Variants in USP9X observed in about 807,000 individuals in gnomAD.
USP9X encodes ubiquitin carboxyl-terminal hydrolase 9X.
USP9X carries 7 observed loss-of-function variants against 190.3 expected under a neutral mutation model. The ratio of observed to expected loss-of-function variants is 0.04; its 90% CI spans 0.02 to 0.07. The LOEUF (loss-of-function observed/expected upper bound fraction) is 0.07. Among genes scored for constraint, USP9X ranks in the 10% least tolerant of loss-of-function variants. The pLI, the probability that USP9X is intolerant of heterozygous loss-of-function variation, is 1.00. For missense variants in USP9X, 1,010 were observed against 1,916.9 expected, an observed-to-expected ratio of 0.53 and a Z score of 8.83; for synonymous variants, 645 against 659.5, an observed-to-expected ratio of 0.98 and a Z score of 0.34.
At chrX:41,098,568 G>GT (rs1304061887) in intron 1 of USP9X, among the ~76,000 whole-genome samples, 1 of 105,693 alleles carries the variant, frequency 9.5e-6, no homozygotes, top group Non-Finnish European at 2.0e-5. Flanking sequence ...TTTCTTTATT[G>GT]TTTTTTTGAG....
intron 1 of USP9X, among the ~76,000 whole-genome samples, chrX:41,101,870 C>T (rs2146938029): frequency 9.0e-6 from 1 of 111,709 alleles, no homozygotes; most frequent in East Asian, 2.8e-4. Context: ...CTGATACATG[C>T]TACAACTTGG....
intron 19 of USP9X, 89 bp from the exon 20 acceptor site, chrX:41,170,381 G>A (rs778611066): frequency 2.5e-5 from 28 of 1,098,176 alleles, no homozygotes; most frequent in East Asian, 1.8e-4. Flanking sequence ...GTAGTCTTTC[G>A]GATTTTTTGG....
chrX:41,214,475 T>TA, intron 33 of USP9X, 93 bp from the exon 34 acceptor site: 6 of 892,876 alleles, frequency 6.7e-6, no homozygotes, highest in South Asian at 3.1e-5. Context: ...AAAGTATAAT[T>TA]TAAAAAAAAA....
At chrX:41,152,005 A>C (rs1185173248) in intron 13 of USP9X, among the ~76,000 whole-genome samples, 1 of 111,516 alleles carries the variant, frequency 9.0e-6, no homozygotes, top group Non-Finnish European at 1.9e-5. Context: ...AAAACCAAAA[A>C]ACATGTTTTC....
chrX:41,190,530 A>G (rs375301438), intron 26 of USP9X, among the ~76,000 whole-genome samples: 2 of 111,962 alleles, frequency 1.8e-5, no homozygotes, highest in African/African-American at 3.2e-5. Context: ...AAATAGGTTT[A>G]GTAAGTCTAA....
intron 35 of USP9X, 37 bp downstream of exon 35, chrX:41,216,689 G>T: frequency 8.7e-7 from 1 of 1,144,739 alleles, no homozygotes; most frequent in South Asian, 2.1e-5. Context: ...TAGTAATAAA[G>T]AATAATTTAT....
chrX:41,123,049 CAGGAAT>C, intron 1 of USP9X, among the ~76,000 whole-genome samples: 1 of 111,530 alleles, frequency 9.0e-6, no homozygotes, highest in Non-Finnish European at 1.9e-5. Flanking sequence ...GGCGTGAAAA[CAGGAAT>C]GCCTGTTCTC....
At chrX:41,219,273 T>G in intron 38 of USP9X, 42 bp downstream of exon 38, 1 of 1,156,204 alleles carries the variant, frequency 8.6e-7, no homozygotes, top group South Asian at 1.9e-5. Context: ...TGATGTATCA[T>G]ATTAAATTGT....
chrX:41,195,046 C>CTTTTTTTTTTT (rs931341447), intron 26 of USP9X, among the ~76,000 whole-genome samples: 12 of 104,727 alleles, frequency 1.1e-4, no homozygotes, highest in African/African-American at 3.9e-4. Context: ...TTTTTTCTTT[C>CTTTTTTTTTTT]TTTTTTTTGG....
chrX:41,151,469 T>C (rs2062524722), intron 13 of USP9X, among the ~76,000 whole-genome samples: 1 of 112,209 alleles, frequency 8.9e-6, no homozygotes, highest in South Asian at 3.6e-4. Flanking sequence ...TTCTTTTTAA[T>C]AGCTGTCTTT....
chrX:41,089,212 A>G (rs2061935035), intron 1 of USP9X, among the ~76,000 whole-genome samples: 1 of 110,737 alleles, frequency 9.0e-6, no homozygotes, highest in East Asian at 2.8e-4. Flanking sequence ...TTGAGCATTA[A>G]TTGTCTGTCA....
chrX:41,203,597 A>G (rs1216996788), intron 31 of USP9X, among the ~76,000 whole-genome samples: 1 of 112,460 alleles, frequency 8.9e-6, no homozygotes, highest in Non-Finnish European at 1.9e-5. Context: ...TGCCATGAAC[A>G]TGGATATACA....
Position 41,218,397 on chromosome X carries a change from C to T in USP9X, c.6235C>T (p.Arg2079Cys). Residue 2079 changes from arginine to cysteine, a missense_variant, in exon 37 of 45, where the codon CGT becomes TGT. Physicochemically the swap from Arg to Cys is radical, Grantham distance 180. Transcript: ENST00000378308. The part of the protein sequence containing the change: ...DWYDALCILL[R>C]HSKNVRFWFA... ...GTATGATGCATTGTGTATTCTCCTT[C>T]GTCACAGCAAGAATGTACGTTTTTG... is the stretch of plus-strand genomic sequence containing the variant. The T allele has an allele frequency of 8.3e-7, 1 of 1,211,059 alleles. No homozygotes were observed. Among genetic ancestry groups the T allele is most frequent in the Non-Finnish European group, 1.1e-6 (1 of 895,325 alleles).
chrX:41,104,613 C>T (rs1345228091), intron 1 of USP9X, among the ~76,000 whole-genome samples: 1 of 111,309 alleles, frequency 9.0e-6, no homozygotes, highest in Non-Finnish European at 1.9e-5. Flanking sequence ...TAGGGACCCT[C>T]TGAAGATTCA....
chrX:41,209,461 G>C (rs1344181774), intron 32 of USP9X, among the ~76,000 whole-genome samples: 1 of 111,580 alleles, frequency 9.0e-6, no homozygotes, highest in Non-Finnish European at 1.9e-5. Flanking sequence ...TTGATGTTTT[G>C]TGTTTCTCAC....
Position 41,217,356 on chromosome X carries a change from G to A in USP9X, c.6209+13G>A. The A allele has an allele frequency of 8.4e-7, 1 of 1,192,239 alleles. No homozygotes were observed. The highest frequency in any genetic ancestry group is 1.1e-6 in the Non-Finnish European group (1 of 887,747). The stretch of plus-strand genomic sequence containing the variant: ...CTGCCAGTGATTGGTACATTGCTTT[G>A]GATTTTCATTCCTATTATACTAATG... On this transcript the variant is annotated intron_variant, in intron 36 of 44. Coordinates refer to ENST00000378308, the MANE Select transcript of USP9X (RefSeq NM_001039591.3).
intron 4 of USP9X, among the ~76,000 whole-genome samples, chrX:41,133,920 A>G (rs1440886845): frequency 8.9e-6 from 1 of 112,538 alleles, no homozygotes; most frequent in Non-Finnish European, 1.9e-5. Flanking sequence ...TATCGCTTCA[A>G]TATACTGATT....
At chrX:41,182,320 T>C (rs2062834175) in intron 21 of USP9X, among the ~76,000 whole-genome samples, 1 of 110,660 alleles carries the variant, frequency 9.0e-6, no homozygotes, top group African/African-American at 3.3e-5. Flanking sequence ...GAGGCTGCAG[T>C]CCTCACGCCA....
intron 30 of USP9X, among the ~76,000 whole-genome samples, chrX:41,200,580 GA>G (rs1268252752): frequency 2.7e-5 from 3 of 111,738 alleles, no homozygotes; most frequent in African/African-American, 6.5e-5. Context: ...AAAGGTGGGG[GA>G]AAAAAAGTGG....
Sources: allele counts gnomAD v4.1 joint callset (sites outside exome capture counted in the v4.1 genomes callset), GRCh38; gene constraint gnomAD v4.1.1; transcripts MANE v1.5; gene names NCBI Gene and HGNC (gene_info 2026-07-23, HGNC 2026-07-21).